Variants in SLCO3A1 observed in about 807,000 individuals in gnomAD.
SLCO3A1 encodes the protein solute carrier organic anion transporter family member 3A1.
In SLCO3A1, 27 loss-of-function variants were observed where a neutral mutation model predicts 63.1. That is an observed-to-expected ratio of 0.43 (90% CI 0.32 to 0.59). SLCO3A1 has a LOEUF of 0.59. Ranked by LOEUF, SLCO3A1 falls within the 20% of genes least tolerant of loss-of-function variation. The probability of loss-of-function intolerance (pLI) is 0.09; values close to 1 mark genes in which losing one functional copy is unlikely to be tolerated. For synonymous variants in SLCO3A1, 473 were observed against 409.9 expected (o/e 1.15, Z -1.86); for missense variants, 773 against 945.8 (o/e 0.82, Z 2.40).
chr15:92,066,963 A>T (rs2047159345), intron 2 of SLCO3A1, among the ~76,000 whole-genome samples: 1 of 152,258 alleles, frequency 6.6e-6, no homozygotes, highest in Admixed American at 6.5e-5. Flanking sequence ...GAGCGTAATG[A>T]GAACTCATAT....
chr15:92,032,342 A>G (rs1481853678), intron 2 of SLCO3A1, among the ~76,000 whole-genome samples: 1 of 152,086 alleles, frequency 6.6e-6, no homozygotes, highest in East Asian at 1.9e-4. Flanking sequence ...GAGGATGCAG[A>G]ACCACAGAGG....
intron 7 of SLCO3A1, among the ~76,000 whole-genome samples, chr15:92,136,646 C>T (rs549954544): frequency 4.5e-4 from 68 of 152,294 alleles, no homozygotes; most frequent in Non-Finnish European, 4.9e-4. Context: ...TATTTTATAA[C>T]ATTTTCCATT....
At position 92,087,623 on chromosome 15, in the gene SLCO3A1, A is replaced by G. The variant is rs903058144; in HGVS notation, c.647-7258A>G. On this transcript the variant is annotated intron_variant, in intron 2 of 9. Coordinates refer to ENST00000318445, the MANE Select transcript of SLCO3A1 (RefSeq NM_013272.4). Reference sequence around the variant, plus strand: ...AACCTCTGCCTCCCAGGTTCAAGCAATTCTCCTGCCTCGGCCTCCTGAGTG... The same window carrying G: ...AACCTCTGCCTCCCAGGTTCAAGCAGTTCTCCTGCCTCGGCCTCCTGAGTG... 6.0e-5 allele frequency among the ~76,000 whole-genome samples: 9 copies of G among 150,990 alleles called. No individual in the cohort carries two copies. The South Asian group carries it at 1.0e-3, about 18-fold the overall frequency.
intron 2 of SLCO3A1, among the ~76,000 whole-genome samples, chr15:92,075,412 A>C (rs966091447): frequency 6.6e-6 from 1 of 152,022 alleles, no homozygotes. Context: ...AGCTGACTCT[A>C]TGAGAATATG....
In SLCO3A1 at chr15:92,105,225, G is replaced by A. The variant is rs1170490638; in HGVS notation, c.1009+683G>A. Among the ~76,000 whole-genome samples, 3 of 152,174 alleles carry A rather than the reference G, an allele frequency of 2.0e-5. No individual in the cohort carries two copies. In the East Asian group the frequency reaches 5.8e-4, roughly 30 times the overall value. ...CTCACCAGAGGTTGCAGTGAGCCAA[G>A]ATTGAGCCACTGCACTCCAGCCTGG... On this transcript the variant is annotated intron_variant, in intron 4 of 9. Coordinates refer to ENST00000318445, the MANE Select transcript of SLCO3A1 (RefSeq NM_013272.4).
At chr15:91,959,229 C>CATATAGAGAGATAGAGAGG (rs1208534016) in intron 2 of SLCO3A1, among the ~76,000 whole-genome samples, 5 of 151,954 alleles carry the variant, frequency 3.3e-5, no homozygotes, top group African/African-American at 4.8e-5. Flanking sequence ...GCTATGAGGA[C>CATATAGAGAGATAGAGAGG]ACAAAGGCAT....
intron 4 of SLCO3A1, among the ~76,000 whole-genome samples, chr15:92,115,421 G>A (rs1477290516): frequency 6.6e-6 from 1 of 152,106 alleles, no homozygotes; most frequent in Non-Finnish European, 1.5e-5. Context: ...ATGGCTCTGA[G>A]GAACACTACA....
At position 92,164,382 on chromosome 15, in the gene SLCO3A1, CAG is replaced by C. The variant is rs1338681252; in HGVS notation, c.*1248_*1249del. ...TTTAAAAGAATCACATTTGAGACAA[CAG>C]GGGATAATGTGATGAATTGCAAATT... On this transcript the variant is annotated 3_prime_UTR_variant, in exon 10 of 10. Transcript: ENST00000318445. The C allele has an allele frequency of 4.8e-5, 47 of 985,310 alleles. No homozygotes were observed. The South Asian group carries it at 7.5e-4, about 16-fold the overall frequency. The allele number at this position is 985,310 out of a possible 1,614,324, so 61.0% of individuals were successfully genotyped here. A position where few individuals can be genotyped will look rare whatever the true frequency, so the allele number is the denominator to read the frequency against.
intron 2 of SLCO3A1, among the ~76,000 whole-genome samples, chr15:91,984,852 T>C (rs998737372): frequency 6.6e-6 from 1 of 152,220 alleles, no homozygotes; most frequent in Admixed American, 6.5e-5. Flanking sequence ...GACAAAAGCT[T>C]TTACTAGGGG....
intron 1 of SLCO3A1, among the ~76,000 whole-genome samples, chr15:91,879,538 A>C (rs368621242): frequency 6.6e-6 from 1 of 152,224 alleles, no homozygotes; most frequent in South Asian, 2.1e-4. Context: ...ACATGTAACA[A>C]ATCAGCATTT....
At chr15:92,124,558 TG>T (rs1341215403) in intron 5 of SLCO3A1, among the ~76,000 whole-genome samples, 1 of 152,136 alleles carries the variant, frequency 6.6e-6, no homozygotes, top group East Asian at 1.9e-4. Context: ...CACTCCGTGC[TG>T]GGTACCATGC....
chr15:92,023,720 C>T (rs1004185437), intron 2 of SLCO3A1, among the ~76,000 whole-genome samples: 8 of 152,192 alleles, frequency 5.3e-5, no homozygotes, highest in Non-Finnish European at 1.2e-4. Flanking sequence ...CCAGCCGCCT[C>T]GGCCTCCCAA....
rs1301739704 is a variant in SLCO3A1, at chr15:91,885,716, G to T, written c.181-30277G>T. On this transcript the variant is annotated intron_variant, in intron 1 of 9. Transcript: ENST00000318445. The surrounding 1 kb of genome is among the most constrained non-coding windows in gnomAD (Gnocchi z 4.7). ...CCCTGCTGTGAGCAGACACATACAT[G>T]CGGTCTGACAATTCAGATCCCTTCG... Among the ~76,000 whole-genome samples, 3 of 152,198 alleles carry T rather than the reference G, an allele frequency of 2.0e-5. No homozygotes were observed. The highest frequency in any genetic ancestry group is 7.2e-5 in the African/African-American group (3 of 41,444).
At chr15:91,910,866 G>T (rs557283751) in intron 1 of SLCO3A1, among the ~76,000 whole-genome samples, 1 of 152,350 alleles carries the variant, frequency 6.6e-6, no homozygotes, top group South Asian at 2.1e-4. Context: ...AAAAGCTCAG[G>T]TGATGCCAGT....
chr15:92,025,187 TA>T (rs200112300), intron 2 of SLCO3A1, among the ~76,000 whole-genome samples: 1 of 150,204 alleles, frequency 6.7e-6, no homozygotes, highest in African/African-American at 2.5e-5. Flanking sequence ...TTTTTGCTTT[TA>T]AAAAATTTTT....
At chr15:91,893,323 G>A (rs1897918212) in intron 1 of SLCO3A1, among the ~76,000 whole-genome samples, 1 of 152,138 alleles carries the variant, frequency 6.6e-6, no homozygotes, top group Non-Finnish European at 1.5e-5. Flanking sequence ...TAGTTGGTTT[G>A]GACTGCTATA....
At chr15:92,087,020 A>G (rs2047413274) in intron 2 of SLCO3A1, among the ~76,000 whole-genome samples, 1 of 150,892 alleles carries the variant, frequency 6.6e-6, no homozygotes, top group African/African-American at 2.4e-5. Context: ...TACCCCCAAC[A>G]TCATGAAGGT....
At chr15:92,051,095 A>T (rs1229835998) in intron 2 of SLCO3A1, among the ~76,000 whole-genome samples, 1 of 152,194 alleles carries the variant, frequency 6.6e-6, no homozygotes, top group Non-Finnish European at 1.5e-5. Context: ...ATTATTACCT[A>T]CAATTTTCTT....
At chr15:92,159,905 G>A (rs565356722) in intron 9 of SLCO3A1, among the ~76,000 whole-genome samples, 1 of 152,036 alleles carries the variant, frequency 6.6e-6, no homozygotes, top group South Asian at 2.1e-4. Flanking sequence ...AACGAATTTG[G>A]TTCCTTTATG....
Sources: gnomAD v4.1 joint callset for allele counts (sites outside exome capture counted in the v4.1 genomes callset) on GRCh38, gnomAD v4.1.1 for gene constraint, Gnocchi (gnomAD v3.1) non-coding constraint, MANE v1.5 for transcripts, NCBI Gene and HGNC (gene_info 2026-07-23, HGNC 2026-07-21) for gene names.